NAALADL2: variants seen among roughly 807,000 people sequenced by gnomAD.
NAALADL2 encodes the protein inactive N-acetylated-alpha-linked acidic dipeptidase-like protein 2.
Under a neutral mutation model 87.2 loss-of-function variants are expected in NAALADL2, and 76 were observed. The observed-to-expected ratio is 0.87, with a 90% CI of 0.72 to 1.05. The LOEUF (loss-of-function observed/expected upper bound fraction) is 1.05, where lower values mean the gene tolerates loss of function less well. Among genes scored for constraint, NAALADL2 ranks in the 50% least tolerant of loss-of-function variants. NAALADL2 has a pLI of 0.00. For synonymous variants in NAALADL2, 354 were observed against 331.0 expected (o/e 1.07, Z -0.75); for missense variants, 1,089 against 945.8 (o/e 1.15, Z -1.99).
chr3:175,581,752 A>G (rs1025381742), intron 10 of NAALADL2, among the ~76,000 whole-genome samples: 7 of 152,222 alleles, frequency 4.6e-5, no homozygotes, highest in Non-Finnish European at 8.8e-5. Context: ...CATTATAAAA[A>G]TAGTTTTGAT....
At chr3:175,327,723 G>T (rs1252449836) in intron 5 of NAALADL2, among the ~76,000 whole-genome samples, 1 of 151,976 alleles carries the variant, frequency 6.6e-6, no homozygotes, top group East Asian at 1.9e-4. Context: ...ATAAATGGGG[G>T]GAAGTTAATG....
chr3:174,895,835 G>A (rs1731457816), intron 1 of NAALADL2, among the ~76,000 whole-genome samples: 1 of 152,068 alleles, frequency 6.6e-6, no homozygotes, highest in South Asian at 2.1e-4. Context: ...ACATTAGAAA[G>A]ATCATTCATC....
chr3:175,510,487 G>A (rs532107833), intron 9 of NAALADL2, among the ~76,000 whole-genome samples: 2 of 152,240 alleles, frequency 1.3e-5, no homozygotes, highest in Non-Finnish European at 2.9e-5. Context: ...AGATCTGCAA[G>A]TCTCCTAAAA....
At chr3:175,729,645 A>G (rs937357254) in intron 11 of NAALADL2, among the ~76,000 whole-genome samples, 1 of 152,130 alleles carries the variant, frequency 6.6e-6, no homozygotes, top group Non-Finnish European at 1.5e-5. Context: ...TGCTTTGTCT[A>G]TAAATTTGTT....
chr3:175,292,213 A>T (rs569894820), intron 4 of NAALADL2, among the ~76,000 whole-genome samples: 1 of 152,316 alleles, frequency 6.6e-6, no homozygotes, highest in South Asian at 2.1e-4. Flanking sequence ...ACAAATTCTT[A>T]CATGAATTTA....
intron 2 of NAALADL2, among the ~76,000 whole-genome samples, chr3:174,637,871 A>G (rs1029878936): frequency 6.6e-6 from 1 of 152,022 alleles, no homozygotes; most frequent in Non-Finnish European, 1.5e-5. Context: ...TTTTCAAGTC[A>G]TGTTTACAGA....
chr3:175,564,020 G>A (rs190657113), intron 9 of NAALADL2, among the ~76,000 whole-genome samples: 8 of 152,132 alleles, frequency 5.3e-5, no homozygotes, highest in African/African-American at 1.4e-4. Context: ...TGCTGATGGC[G>A]TTATTTCCTC....
At chr3:175,407,706 G>C (rs1251921548) in intron 5 of NAALADL2, among the ~76,000 whole-genome samples, 2 of 152,172 alleles carry the variant, frequency 1.3e-5, no homozygotes, top group Non-Finnish European at 2.9e-5. Flanking sequence ...ATTGAGGAAT[G>C]GTTTCTGGAT....
At position 175,482,586 on chromosome 3, in the gene NAALADL2, T is replaced by G. The variant is rs375978611; in HGVS notation, c.1653+10828T>G. Among the ~76,000 whole-genome samples the G allele has an allele frequency of 3.0e-3, 459 of 152,078 alleles. 2 individuals carry two copies. The highest frequency in any genetic ancestry group is 0.01 in the African/African-American group (433 of 41,554). On this transcript the variant is annotated intron_variant, in intron 9 of 13. Coordinates refer to ENST00000454872, the MANE Select transcript of NAALADL2 (RefSeq NM_207015.3). ...TTCTCAAAAGATCTTCTCATCATGT[T>G]CACAATTCACACAGATTTCTAAAAA...
chr3:175,630,987 AGTT>A (rs1057106275), intron 11 of NAALADL2, among the ~76,000 whole-genome samples: 3 of 151,600 alleles, frequency 2.0e-5, no homozygotes, highest in Non-Finnish European at 1.5e-5. Flanking sequence ...TCCCAATAAA[AGTT>A]TGTATTTGAT....
At chr3:174,777,809 C>G (rs1364381025) in intron 3 of NAALADL2, among the ~76,000 whole-genome samples, 1 of 152,068 alleles carries the variant, frequency 6.6e-6, no homozygotes, top group Non-Finnish European at 1.5e-5. Flanking sequence ...CTCCTTTCCA[C>G]ATATACATGC....
At chr3:175,571,213 A>G (rs1185505738) in intron 9 of NAALADL2, among the ~76,000 whole-genome samples, 1 of 152,178 alleles carries the variant, frequency 6.6e-6, no homozygotes, top group Non-Finnish European at 1.5e-5. Context: ...ACTTGCAAAG[A>G]GCATACAGAT....
chr3:174,688,043 C>A (rs1190348652), intron 2 of NAALADL2, among the ~76,000 whole-genome samples: 1 of 152,070 alleles, frequency 6.6e-6, no homozygotes, highest in Non-Finnish European at 1.5e-5. Context: ...AGTGTGAGAA[C>A]AGACTAATAC....
At chr3:175,177,417 G>A (rs1735842927) in intron 2 of NAALADL2, among the ~76,000 whole-genome samples, 1 of 151,946 alleles carries the variant, frequency 6.6e-6, no homozygotes, top group African/African-American at 2.4e-5. Context: ...CACATCTATG[G>A]ATAGAAAAGA....
At chr3:175,652,593 C>T (rs1730924022) in intron 11 of NAALADL2, among the ~76,000 whole-genome samples, 1 of 151,624 alleles carries the variant, frequency 6.6e-6, no homozygotes, top group Non-Finnish European at 1.5e-5. Flanking sequence ...ATTCTCCTGC[C>T]TCAGCCTCCC....
intron 2 of NAALADL2, among the ~76,000 whole-genome samples, chr3:174,571,813 CAA>C (rs897402203): frequency 4.6e-5 from 7 of 151,774 alleles, no homozygotes; most frequent in African/African-American, 1.7e-4. Flanking sequence ...GGGAATGACT[CAA>C]GAAAAAAAAT....
At chr3:175,566,943 T>C (rs1347913767) in intron 9 of NAALADL2, among the ~76,000 whole-genome samples, 1 of 152,164 alleles carries the variant, frequency 6.6e-6, no homozygotes, top group African/African-American at 2.4e-5. Context: ...GTTTGTGTCA[T>C]ATTCAAACAT....
At chr3:175,133,466 T>C (rs970888678) in intron 2 of NAALADL2, among the ~76,000 whole-genome samples, 1 of 152,188 alleles carries the variant, frequency 6.6e-6, no homozygotes, top group Admixed American at 6.5e-5. Flanking sequence ...CCGTCTGCAA[T>C]CCCGGCACCT....
At chr3:175,491,315 T>C (rs1390569218) in intron 9 of NAALADL2, among the ~76,000 whole-genome samples, 1 of 151,702 alleles carries the variant, frequency 6.6e-6, no homozygotes, top group African/African-American at 2.4e-5. Flanking sequence ...AATTTTTTTG[T>C]TTTCATTGGA....
Sources: gnomAD v4.1 joint callset for allele counts (sites outside exome capture counted in the v4.1 genomes callset) on GRCh38, gnomAD v4.1.1 for gene constraint, MANE v1.5 for transcripts, NCBI Gene and HGNC (gene_info 2026-07-23, HGNC 2026-07-21) for gene names.